EPB41: variants seen among roughly 807,000 people sequenced by gnomAD.
EPB41 encodes protein 4.1.
Under a neutral mutation model 108.0 loss-of-function variants are expected in EPB41, and 65 were observed. That is an observed-to-expected ratio of 0.60 (90% CI 0.49 to 0.74). The LOEUF (loss-of-function observed/expected upper bound fraction) is 0.74. Ranked by LOEUF, EPB41 falls within the 30% of genes least tolerant of loss-of-function variation. The pLI, the probability that EPB41 is intolerant of heterozygous loss-of-function variation, is 0.00. For synonymous variants in EPB41, 336 were observed against 358.9 expected, an observed-to-expected ratio of 0.94 and a Z score of 0.72; for missense variants, 875 against 1,037.0, an observed-to-expected ratio of 0.84 and a Z score of 2.15.
rs1297773024 is a variant in EPB41, at chr1:28,977,956, C to CT, written c.-7-9464dup. ...CTTTATCAGTTTCATTTTATATTCT[C>CT]TTTTTTTTTTTAAGAACATAGATGC... On this transcript the variant is annotated intron_variant, in intron 1 of 20. Coordinates refer to ENST00000343067, the MANE Select transcript of EPB41 (RefSeq NM_001376013.1). 4.8e-4 allele frequency among the ~76,000 whole-genome samples: 69 copies of CT among 145,036 alleles called. 1 individual carries two copies. Among genetic ancestry groups the CT allele is most frequent in the South Asian group, 8.7e-4 (4 of 4,594 alleles).
chr1:28,951,156 C>T (rs1024117925), intron 1 of EPB41, among the ~76,000 whole-genome samples: 1 of 151,960 alleles, frequency 6.6e-6, no homozygotes, highest in Admixed American at 6.6e-5. Context: ...TATATCAAGG[C>T]CAGGTGAAGA....
chr1:29,011,823 T>A, intron 4 of EPB41, 42 bp from the exon 5 acceptor site: 1 of 1,610,380 alleles, frequency 6.2e-7, no homozygotes, highest in Non-Finnish European at 8.5e-7. Flanking sequence ...GTTGTTTATG[T>A]GTTTTGGAGC....
chr1:29,018,320 G>T lies in EPB41; in HGVS notation c.1002G>T (p.Gln334His). 6.2e-7 allele frequency: 1 copy of T among 1,614,144 alleles called. No individual in the cohort carries two copies. Among genetic ancestry groups the T allele is most frequent in the Non-Finnish European group, 8.5e-7 (1 of 1,180,034 alleles). ...CATTATTAGGTTCTTACACCATCCA[G>T]TCTGAACTGGGAGACTACGACCCAG... ...TLALLGSYTIQSELGDYDPEL... is the reference protein window; with the variant it reads ...TLALLGSYTIHSELGDYDPEL... The change falls in exon 7 of 21, where the codon CAG (glutamine) becomes CAT (histidine). Residue 334 changes from glutamine (Q) to histidine (H), a missense_variant. Gln to His is a conservative substitution (Grantham distance 24). Around this residue, in one of 3 missense-constraint regions of EPB41, gnomAD observed 353 missense variants for 393.2 expected, o/e 0.90. Coordinates refer to ENST00000343067, the MANE Select transcript of EPB41 (RefSeq NM_001376013.1). The surrounding 1 kb of genome is among the most constrained non-coding windows in gnomAD (Gnocchi z 4.4).
At chr1:28,923,625 T>C (rs2093272309) in intron 1 of EPB41, among the ~76,000 whole-genome samples, 1 of 152,194 alleles carries the variant, frequency 6.6e-6, no homozygotes, top group African/African-American at 2.4e-5. Flanking sequence ...TGTTGACTTA[T>C]CCTTGCTAGT....
At chr1:29,019,566 T>C (rs1179862970) in intron 7 of EPB41, among the ~76,000 whole-genome samples, 1 of 152,228 alleles carries the variant, frequency 6.6e-6, no homozygotes, top group African/African-American at 2.4e-5. Context: ...GACCTTGGCC[T>C]TGAATTAGTA....
chr1:29,097,724 A>G, intron 16 of EPB41, 83 bp from the exon 17 acceptor site: 3 of 1,514,392 alleles, frequency 2.0e-6, no homozygotes, highest in Non-Finnish European at 2.7e-6. Context: ...TAAAGCTAAC[A>G]CTTTGATCAG....
intron 1 of EPB41, chr1:28,893,763 C>T (rs458584): frequency 0.088 from 13,456 of 152,522 alleles, 662 homozygotes; most frequent in South Asian, 0.14. Context: ...CTGTCATTTG[C>T]TTCCATGTGC....
chr1:28,895,887 G>C (rs1383974893), intron 1 of EPB41, among the ~76,000 whole-genome samples: 1 of 152,146 alleles, frequency 6.6e-6, no homozygotes, highest in Non-Finnish European at 1.5e-5. Context: ...CCAGTACACG[G>C]CTGGTGGGAG....
chr1:29,065,505 A>G (rs1163270674), intron 16 of EPB41: 2 of 179,508 alleles, frequency 1.1e-5, no homozygotes, highest in Non-Finnish European at 2.3e-5. Flanking sequence ...TAGAAAGTTT[A>G]CTAAATTTAG....
intron 16 of EPB41, among the ~76,000 whole-genome samples, chr1:29,067,662 C>CT (rs1447198798): frequency 2.9e-5 from 1 of 34,180 alleles, no homozygotes; most frequent in Non-Finnish European, 5.4e-5. Context: ...AAGACTCCGT[C>CT]TTAAAAAAAA....
At chr1:29,021,414 A>T (rs2096643231) in intron 7 of EPB41, among the ~76,000 whole-genome samples, 1 of 152,174 alleles carries the variant, frequency 6.6e-6, no homozygotes. Flanking sequence ...CTAACGAAGC[A>T]GCAAAAAGTA....
chr1:28,914,879 C>A (rs1467247958), intron 1 of EPB41, 111 bp downstream of exon 1: 1 of 151,106 alleles, frequency 6.6e-6, no homozygotes, highest in African/African-American at 2.4e-5. Flanking sequence ...TTGTCTGCAA[C>A]CCCCGACAGG....
rs371284780 is a variant in EPB41, at chr1:29,117,076, GTTTT to G, written c.*268_*271del. On this transcript the variant is annotated 3_prime_UTR_variant, in exon 21 of 21. Transcript: ENST00000343067. ...TATAGACTGTTTTAAGAGTTTTGGG[GTTTT>G]TTTAATTGGGTGGTTTGTAACCCCT... 7 of 152,162 alleles carry G rather than the reference GTTTT, an allele frequency of 4.6e-5. No individual in the cohort carries two copies. The highest frequency in any genetic ancestry group is 1.3e-4 in the Admixed American group (2 of 15,278). The allele number at this position is 152,162 out of a possible 1,614,324, so 9.4% of individuals were successfully genotyped here. A position where few individuals can be genotyped will look rare whatever the true frequency, so the allele number is the denominator to read the frequency against.
At chr1:29,069,059 A>G (rs1398709467) in intron 16 of EPB41, 12 of 864,632 alleles carry the variant, frequency 1.4e-5, no homozygotes, top group East Asian at 3.3e-5. Flanking sequence ...GAATTTAATT[A>G]TACCCTATTC....
intron 15 of EPB41, among the ~76,000 whole-genome samples, chr1:29,063,581 T>G (rs1646887153): frequency 6.6e-6 from 1 of 152,198 alleles, no homozygotes; most frequent in Non-Finnish European, 1.5e-5. Context: ...GAAAAAACTT[T>G]TAAGCAAAAT....
intron 1 of EPB41, among the ~76,000 whole-genome samples, chr1:28,919,552 C>T (rs1222025425): frequency 6.6e-6 from 1 of 151,978 alleles, no homozygotes; most frequent in African/African-American, 2.4e-5. Flanking sequence ...CAACCTCTGC[C>T]TCCCGGGTTC....
At chr1:28,907,390 G>T (rs1382349641) in intron 1 of EPB41, among the ~76,000 whole-genome samples, 7 of 151,578 alleles carry the variant, frequency 4.6e-5, no homozygotes. Context: ...AATAGAGATG[G>T]GGTCTCACCG....
chr1:29,004,118 G>A (rs182243961), intron 4 of EPB41, among the ~76,000 whole-genome samples: 31 of 152,280 alleles, frequency 2.0e-4, no homozygotes, highest in African/African-American at 6.5e-4. Flanking sequence ...AATCAAAATT[G>A]TCAGTTAAAT....
intron 1 of EPB41, among the ~76,000 whole-genome samples, chr1:28,915,685 T>C (rs203278): frequency 0.46 from 67,586 of 148,302 alleles, 17,577 homozygotes; most frequent in East Asian, 0.85. Context: ...CATGTAGTTG[T>C]TCATTAGGAG....
Sources: allele counts gnomAD v4.1 joint callset (sites outside exome capture counted in the v4.1 genomes callset), GRCh38; gene constraint gnomAD v4.1.1; regional missense constraint gnomAD v4.1.1; non-coding constraint Gnocchi (gnomAD v3.1); transcripts MANE v1.5; gene names NCBI Gene and HGNC (gene_info 2026-07-23, HGNC 2026-07-21).